ZNF341: variants seen among roughly 807,000 people sequenced by gnomAD.
The protein encoded by ZNF341 is zinc finger protein 341.
A neutral mutation model predicts 87.7 loss-of-function variants in ZNF341; 52 were observed. That is an observed-to-expected ratio of 0.59 (90% CI 0.47 to 0.75). The LOEUF is 0.75. Among genes scored for constraint, ZNF341 ranks in the 30% least tolerant of loss-of-function variants. ZNF341 has a pLI of 0.00. For synonymous variants in ZNF341, 459 were observed against 472.7 expected, an observed-to-expected ratio of 0.97 and a Z score of 0.38; for missense variants, 977 against 1,145.9, an observed-to-expected ratio of 0.85 and a Z score of 2.13.
intron 12 of ZNF341, among the ~76,000 whole-genome samples, chr20:33,785,361 G>T (rs1160791844): frequency 6.6e-6 from 1 of 151,120 alleles, no homozygotes; most frequent in Admixed American, 6.6e-5. Flanking sequence ...TTTTTATTTT[G>T]AGACAGGGTC....
chr20:33,789,034 C>G, intron 13 of ZNF341, 60 bp downstream of exon 13: 1 of 1,267,116 alleles, frequency 7.9e-7, no homozygotes, highest in Non-Finnish European at 1.1e-6. Context: ...AGGGGTGCTG[C>G]TGGGGAGGGT....
intron 11 of ZNF341, among the ~76,000 whole-genome samples, chr20:33,783,473 A>C (rs1346967609): frequency 6.6e-6 from 1 of 152,132 alleles, no homozygotes; most frequent in Non-Finnish European, 1.5e-5. Context: ...GATGTGTAAG[A>C]GTTTGTCAGT....
intron 2 of ZNF341, among the ~76,000 whole-genome samples, chr20:33,742,295 C>G (rs6059443): frequency 0.012 from 1,809 of 152,264 alleles, 46 homozygotes; most frequent in African/African-American, 0.041. Flanking sequence ...CTCCCGGGTT[C>G]AAGCAATCCT....
Position 33,753,326 on chromosome 20 carries a change from A to G in ZNF341, c.644A>G (p.Asn215Ser). ...GPPGRPNPGG[N>S]GVVEVYSAAA... The stretch of plus-strand genomic sequence containing the variant: ...CCTGGGCGTCCCAACCCTGGTGGGA[A>G]CGGTGTGGTGGAGGTGTACAGTGCT... The change falls in exon 5 of 15, where the codon AAC becomes AGC. Residue 215 changes from asparagine (N) to serine (S), a missense_variant. Physicochemically the swap from Asn to Ser is conservative, Grantham distance 46 (BLOSUM62 1). Transcript: ENST00000375200. 1.2e-6 allele frequency: 2 copies of G among 1,611,072 alleles called. No individual in the cohort carries two copies. Among genetic ancestry groups the G allele is most frequent in the African/African-American group, 1.3e-5 (1 of 74,972 alleles).
At chr20:33,779,975 C>A (rs2207355) in intron 10 of ZNF341, among the ~76,000 whole-genome samples, 12 of 151,928 alleles carry the variant, frequency 7.9e-5, no homozygotes, top group Admixed American at 7.9e-4. Flanking sequence ...AGGAGACAGA[C>A]AATAACCAAG....
intron 14 of ZNF341, among the ~76,000 whole-genome samples, chr20:33,790,362 C>T (rs985332071): frequency 2.0e-5 from 3 of 152,148 alleles, no homozygotes; most frequent in South Asian, 2.1e-4. Context: ...TGTGAGCCAC[C>T]GGCGCCTGGC....
intron 8 of ZNF341, 91 bp downstream of exon 8, chr20:33,762,146 C>G (rs1413930565): frequency 6.5e-6 from 8 of 1,228,750 alleles, no homozygotes; most frequent in Non-Finnish European, 8.9e-6. Flanking sequence ...TGGGCAAACC[C>G]CATGACCTCT....
intron 10 of ZNF341, among the ~76,000 whole-genome samples, chr20:33,775,296 G>C (rs1206731964): frequency 6.7e-6 from 1 of 148,542 alleles, no homozygotes; most frequent in African/African-American, 2.5e-5. Context: ...TACAACCTTC[G>C]CCTCCCAGGT....
At chr20:33,741,061 G>A (rs763944174) in intron 2 of ZNF341, 49 bp downstream of exon 2, 44 of 1,535,042 alleles carry the variant, frequency 2.9e-5, no homozygotes, top group Non-Finnish European at 2.7e-5. Context: ...GGCTCCCCGC[G>A]AAGAGTAGGT....
chr20:33,758,422 G>A (rs1470621532), intron 6 of ZNF341, among the ~76,000 whole-genome samples: 2 of 152,198 alleles, frequency 1.3e-5, no homozygotes, highest in African/African-American at 4.8e-5. Context: ...TGATGAGGTT[G>A]TCAGGAGTAA....
chr20:33,759,440 A>G (rs951936225), intron 7 of ZNF341, among the ~76,000 whole-genome samples: 1 of 151,952 alleles, frequency 6.6e-6, no homozygotes. Context: ...ATGCGCCACC[A>G]CGCCCGGCTA....
intron 4 of ZNF341, chr20:33,752,116 C>A (rs573571924): frequency 3.7e-4 from 145 of 389,456 alleles, no homozygotes; most frequent in African/African-American, 2.3e-3. Flanking sequence ...AAGCCCCCCC[C>A]CCTTTTTTTT....
Position 33,789,527 on chromosome 20 carries a change from A to C in ZNF341, c.1974A>C (p.Thr658=). The C allele has an allele frequency of 6.2e-7, 1 of 1,613,986 alleles. No individual in the cohort carries two copies. Among genetic ancestry groups the C allele is most frequent in the South Asian group, 1.1e-5 (1 of 91,070 alleles). The change falls in exon 14 of 15, where the codon ACA becomes ACC. Residue 658 remains threonine, a synonymous_variant. Transcript: ENST00000375200. ...TGGCTTTGGGTTTTAGGACGCACAC[A>C]GGCTGCAGTAAGGAGTTCAACCGGC... is the stretch of plus-strand genomic sequence containing the variant. ...KKYKCPFSTH[T]GCSKEFNRPD... is the part of the protein sequence containing the mutation.
At chr20:33,733,115 C>T (rs1261249414) in intron 1 of ZNF341, among the ~76,000 whole-genome samples, 1 of 152,040 alleles carries the variant, frequency 6.6e-6, no homozygotes, top group African/African-American at 2.4e-5. Flanking sequence ...GGCGCGATCT[C>T]GGCTCACTGC....
intron 3 of ZNF341, among the ~76,000 whole-genome samples, chr20:33,747,854 C>A (rs1385187911): frequency 1.3e-5 from 2 of 150,592 alleles, no homozygotes; most frequent in African/African-American, 2.4e-5. Context: ...CGCCACCATG[C>A]CCAGCTAATT....
At chr20:33,774,023 T>TA (rs1472101798) in intron 10 of ZNF341, among the ~76,000 whole-genome samples, 3 of 151,502 alleles carry the variant, frequency 2.0e-5, no homozygotes, top group Non-Finnish European at 2.9e-5. Flanking sequence ...CTCACTCTTG[T>TA]AATCCCAGCA....
intron 5 of ZNF341, among the ~76,000 whole-genome samples, chr20:33,753,917 A>C (rs1053439631): frequency 1.3e-5 from 2 of 152,056 alleles, no homozygotes; most frequent in Non-Finnish European, 2.9e-5. Context: ...GGCTGGGCTC[A>C]CTCATATGTC....
intron 7 of ZNF341, among the ~76,000 whole-genome samples, chr20:33,760,238 A>G (rs964536109): frequency 3.3e-5 from 5 of 152,144 alleles, no homozygotes; most frequent in South Asian, 2.1e-4. Flanking sequence ...CCCCGTCTCT[A>G]CTAAAAATAC....
At chr20:33,741,771 T>G (rs1568933225) in intron 2 of ZNF341, among the ~76,000 whole-genome samples, 1 of 152,236 alleles carries the variant, frequency 6.6e-6, no homozygotes, top group Non-Finnish European at 1.5e-5. Context: ...ACAAACATTT[T>G]TGTGTACTTG....
Sources: allele counts gnomAD v4.1 joint callset (sites outside exome capture counted in the v4.1 genomes callset), GRCh38; gene constraint gnomAD v4.1.1; transcripts MANE v1.5; gene names NCBI Gene and HGNC (gene_info 2026-07-23, HGNC 2026-07-21).